ZNF783: variants seen among roughly 807,000 people sequenced by gnomAD.
The protein encoded by ZNF783 is protein ZNF783.
Under a neutral mutation model 31.3 loss-of-function variants are expected in ZNF783, and 25 were observed. That is an observed-to-expected ratio of 0.80 (90% CI 0.58 to 1.11). The LOEUF (loss-of-function observed/expected upper bound fraction) is 1.11, where lower values mean the gene tolerates loss of function less well. Ranked by LOEUF, ZNF783 falls within the 50% of genes most tolerant of loss-of-function variation. The pLI, the probability that ZNF783 is intolerant of heterozygous loss-of-function variation, is 0.00. For missense variants in ZNF783, 797 were observed against 760.0 expected, an observed-to-expected ratio of 1.05 and a Z score of -0.57; for synonymous variants, 369 against 319.1, an observed-to-expected ratio of 1.16 and a Z score of -1.66.
rs1052264744 is a variant in ZNF783, at chr7:149,283,547, C to T, written c.*1204C>T. ...AGTGCAGAGAGAGCCCAGGAAGCCCCTCCACTAGAGGAGGCCCTTGGTCTG... is the reference window on the plus strand; with the variant it reads ...AGTGCAGAGAGAGCCCAGGAAGCCCTTCCACTAGAGGAGGCCCTTGGTCTG... On this transcript the variant is annotated 3_prime_UTR_variant, in exon 6 of 6. Coordinates refer to ENST00000434415, the MANE Select transcript of ZNF783 (RefSeq NM_001195220.2). 6.6e-6 allele frequency: 1 copy of T among 152,342 alleles called. No individual in the cohort carries two copies. The highest frequency in any genetic ancestry group is 6.5e-5 in the Admixed American group (1 of 15,302). The allele number at this position is 152,342 out of a possible 1,614,324, so 9.4% of individuals were successfully genotyped here. A position where few individuals can be genotyped will look rare whatever the true frequency, so the allele number is the denominator to read the frequency against.
At chr7:149,278,620 TG>T in intron 5 of ZNF783, 93 bp downstream of exon 5, 1 of 1,556,946 alleles carries the variant, frequency 6.4e-7, no homozygotes, top group Non-Finnish European at 8.6e-7. Flanking sequence ...CCTGGAAGCA[TG>T]GGGCTGGGAG....
chr7:149,279,549 G>A (rs568231993), intron 5 of ZNF783, among the ~76,000 whole-genome samples: 82 of 152,292 alleles, frequency 5.4e-4, no homozygotes, highest in African/African-American at 1.8e-3. Context: ...TGCAAGCCGC[G>A]GGTGTCCAGC....
Position 149,282,828 on chromosome 7 carries a change from A to G in ZNF783, c.*485A>G, listed in dbSNP as rs4727039. On this transcript the variant is annotated 3_prime_UTR_variant, in exon 6 of 6. Transcript: ENST00000434415. Reference sequence around the variant, plus strand: ...TTTCCCTTCTTATAGAGACTTTGAAATACTTTTGTAAATGTGTGTAGTTGT... The same window carrying G: ...TTTCCCTTCTTATAGAGACTTTGAAGTACTTTTGTAAATGTGTGTAGTTGT... The G allele has an allele frequency of 0.55, 84,146 of 153,912 alleles. 23,277 individuals carry two copies. Among genetic ancestry groups the G allele is most frequent in the African/African-American group, 0.62 (25,608 of 41,428 alleles). The allele number at this position is 153,912 out of a possible 1,614,324, so 9.5% of individuals were successfully genotyped here. A position where few individuals can be genotyped will look rare whatever the true frequency, so the allele number is the denominator to read the frequency against.
intron 4 of ZNF783, among the ~76,000 whole-genome samples, chr7:149,273,544 CT>C (rs199971838): frequency 0.012 from 1,711 of 143,336 alleles, 11 homozygotes; most frequent in African/African-American, 0.03. Flanking sequence ...GCCATTTGTA[CT>C]TTTTTTTTTT....
rs1259271924 is a variant in ZNF783, at chr7:149,266,626, T to A, written c.316T>A (p.Tyr106Asn). The A allele has an allele frequency of 6.2e-7, 1 of 1,613,424 alleles. No homozygotes were observed. Among genetic ancestry groups the A allele is most frequent in the Non-Finnish European group, 8.5e-7 (1 of 1,179,920 alleles). Residue 106 changes from tyrosine (Y) to asparagine (N), a missense_variant, in exon 2 of 6, where the codon TAC (tyrosine) becomes AAC (asparagine). Coordinates refer to ENST00000434415, the MANE Select transcript of ZNF783 (RefSeq NM_001195220.2). Reference sequence around the variant, plus strand: ...CGTGCTGGGGACCTTGCTGCAGGAGTACGGGCTGCTGCAGAGGCGGCTGGA... The same window carrying A: ...CGTGCTGGGGACCTTGCTGCAGGAGAACGGGCTGCTGCAGAGGCGGCTGGA... The part of the protein sequence containing the change: ...WAVLGTLLQE[Y>N]GLLQRRLENV...
At chr7:149,273,729 A>G (rs1393432471) in intron 4 of ZNF783, among the ~76,000 whole-genome samples, 1 of 152,028 alleles carries the variant, frequency 6.6e-6, no homozygotes, top group East Asian at 1.9e-4. Context: ...TTTCTTGTAG[A>G]GGTAGAGTTT....
intron 2 of ZNF783, 21 bp downstream of exon 2, chr7:149,266,751 G>A (rs369709865): frequency 3.7e-5 from 60 of 1,613,484 alleles, no homozygotes; most frequent in South Asian, 3.2e-4. Flanking sequence ...GACACCCTGG[G>A]GTGGGGGAGC....
chr7:149,274,374 T>A (rs1167706476), intron 4 of ZNF783, among the ~76,000 whole-genome samples: 1 of 151,884 alleles, frequency 6.6e-6, no homozygotes, highest in Non-Finnish European at 1.5e-5. Flanking sequence ...CTTTTTTTTT[T>A]TTCTTTTTTG....
intron 1 of ZNF783, among the ~76,000 whole-genome samples, 169 bp from the exon 2 acceptor site, chr7:149,266,166 A>T (rs149590172): frequency 6.6e-6 from 1 of 152,150 alleles, no homozygotes; most frequent in African/African-American, 2.4e-5. Context: ...GTTAGGCTGG[A>T]TTCCTAACTG....
intron 1 of ZNF783, among the ~76,000 whole-genome samples, chr7:149,264,252 A>G (rs567042631): frequency 1.3e-5 from 2 of 152,370 alleles, no homozygotes; most frequent in South Asian, 4.1e-4. Flanking sequence ...GAATGAATGA[A>G]GCAATTATAG....
chr7:149,278,945 G>A (rs1275656983), intron 5 of ZNF783, among the ~76,000 whole-genome samples: 1 of 152,146 alleles, frequency 6.6e-6, no homozygotes, highest in African/African-American at 2.4e-5. Context: ...AGACCTACTG[G>A]GAACTCTGGC....
Position 149,281,638 on chromosome 7 carries a change from C to G in ZNF783, c.936C>G (p.Pro312=). The G allele has an allele frequency of 6.5e-7, 1 of 1,544,184 alleles. No homozygotes were observed. The highest frequency in any genetic ancestry group is 1.4e-5 in the African/African-American group (1 of 71,618). Residue 312 remains proline (P), a synonymous_variant, in exon 6 of 6, where the codon CCC becomes CCG. Coordinates refer to ENST00000434415, the MANE Select transcript of ZNF783 (RefSeq NM_001195220.2). The part of the protein sequence containing the change: ...PRGPRNRPGG[P]SRHQAQGMPR... Reference sequence around the variant, plus strand: ...GGCCCAGGAACAGGCCTGGGGGCCCCAGCCGTCATCAGGCCCAGGGCATGC... The same window carrying G: ...GGCCCAGGAACAGGCCTGGGGGCCCGAGCCGTCATCAGGCCCAGGGCATGC...
rs753362447 is a variant in ZNF783 at position 149,267,239 on chromosome 7, G to C, written c.673+17G>C. On this transcript the variant is annotated intron_variant, in intron 4 of 5. Transcript: ENST00000434415. ...TGGGCACTGGTAAGTATAGGAGCCA[G>C]ATGTGGTTGGGGGGCCGCCAGGGGC... is the stretch of plus-strand genomic sequence containing the variant. The C allele has an allele frequency of 1.3e-5, 21 of 1,568,798 alleles. No individual in the cohort carries two copies. Among genetic ancestry groups the C allele is most frequent in the South Asian group, 2.3e-5 (2 of 85,368 alleles).
Position 149,278,116 on chromosome 7 carries a change from T to C in ZNF783, c.674-283T>C, listed in dbSNP as rs575041906. On this transcript the variant is annotated intron_variant, in intron 4 of 5. Coordinates refer to ENST00000434415, the MANE Select transcript of ZNF783 (RefSeq NM_001195220.2). ...GGTGGGACAGGCATGGTGTTTCTCT[T>C]TCCTGCCTTAAAATGCCAGATTCTG... 16 of 1,174,988 alleles carry C rather than the reference T, an allele frequency of 1.4e-5. No homozygotes were observed. In the Admixed American group the frequency reaches 2.9e-4, roughly 21 times the overall value. The allele number at this position is 1,174,988 out of a possible 1,614,324, so 72.8% of individuals were successfully genotyped here. A position where few individuals can be genotyped will look rare whatever the true frequency, so the allele number is the denominator to read the frequency against.
At chr7:149,267,422 A>G (rs12704090) in intron 4 of ZNF783, among the ~76,000 whole-genome samples, 200 bp downstream of exon 4, 104,093 of 152,122 alleles carry the variant, frequency 0.68, 36,885 homozygotes, top group African/African-American at 0.87. Flanking sequence ...ATATCTGTCT[A>G]AGGTGGAACA....
chr7:149,281,826 G>C lies in ZNF783; in HGVS notation c.1124G>C (p.Gly375Ala), dbSNP rs567322464. ...TIHQRTHVEEGRQEAPGRSPT... is the reference protein window; with the variant it reads ...TIHQRTHVEEARQEAPGRSPT... ...CATCAGCGGACCCATGTGGAGGAGG[G>C]GCGGCAGGAGGCCCCCGGCCGCTCG... Residue 375 changes from glycine to alanine, a missense_variant, in exon 6 of 6, where the codon GGG (glycine) becomes GCG (alanine). Gly to Ala is a moderately conservative substitution (Grantham distance 60). Transcript: ENST00000434415. 1 of 1,504,632 alleles carries C rather than the reference G, an allele frequency of 6.6e-7. No homozygotes were observed. Among genetic ancestry groups the C allele is most frequent in the African/African-American group, 1.4e-5 (1 of 70,934 alleles). The allele number at this position is 1,504,632 out of a possible 1,614,324, so 93.2% of individuals were successfully genotyped here.
rs1182542531 is a variant in ZNF783 at position 149,284,480 on chromosome 7, T to C, written c.*2137T>C. 1 of 152,340 alleles carries C rather than the reference T, an allele frequency of 6.6e-6. No individual in the cohort carries two copies. The highest frequency in any genetic ancestry group is 2.4e-5 in the African/African-American group (1 of 41,454). 9.4% of individuals were successfully genotyped at this position (152,340 alleles called of 1,614,324 possible). Reference sequence around the variant, plus strand: ...GAGTCCCCCCACCCTTGCCAGGAGCTTCACAAACCAGAGACGGGCTGTCAG... The same window carrying C: ...GAGTCCCCCCACCCTTGCCAGGAGCCTCACAAACCAGAGACGGGCTGTCAG... On this transcript the variant is annotated 3_prime_UTR_variant, in exon 6 of 6. Coordinates refer to ENST00000434415, the MANE Select transcript of ZNF783 (RefSeq NM_001195220.2).
At chr7:149,273,968 A>G (rs1048676810) in intron 4 of ZNF783, among the ~76,000 whole-genome samples, 2 of 152,188 alleles carry the variant, frequency 1.3e-5, no homozygotes, top group African/African-American at 4.8e-5. Flanking sequence ...TATTTTGGTT[A>G]TGAATCCCTT....
chr7:149,272,086 C>T (rs1227467377), intron 4 of ZNF783, among the ~76,000 whole-genome samples: 7 of 152,120 alleles, frequency 4.6e-5, no homozygotes, highest in East Asian at 1.9e-4. Context: ...GGCACGATCT[C>T]GTCTCACTGT....
Sources: gnomAD v4.1 joint callset for allele counts (sites outside exome capture counted in the v4.1 genomes callset) on GRCh38, gnomAD v4.1.1 for gene constraint, MANE v1.5 for transcripts, NCBI Gene and HGNC (gene_info 2026-07-23, HGNC 2026-07-21) for gene names.